Variants in SERPINB7 observed in about 807,000 individuals in gnomAD.
The protein encoded by SERPINB7 is serpin family B member 7, also known as serpin B7.
SERPINB7 carries 31 observed loss-of-function variants against 37.4 expected under a neutral mutation model. The ratio of observed to expected loss-of-function variants is 0.83; its 90% CI spans 0.62 to 1.12. The LOEUF (loss-of-function observed/expected upper bound fraction) is 1.12, where lower values mean the gene tolerates loss of function less well. SERPINB7 is among the 50% of genes most tolerant of loss of function. The probability of loss-of-function intolerance (pLI) is 0.00; values close to 1 mark genes in which losing one functional copy is unlikely to be tolerated. For synonymous variants in SERPINB7, 163 were observed against 166.1 expected, an observed-to-expected ratio of 0.98 and a Z score of 0.14; for missense variants, 521 against 455.3, an observed-to-expected ratio of 1.14 and a Z score of -1.31.
chr18:63,771,842 C>T (rs2049213010), upstream of SERPINB7, among the ~76,000 whole-genome samples: 1 of 151,268 alleles, frequency 6.6e-6, no homozygotes, highest in Admixed American at 6.6e-5. Flanking sequence ...CTTCTGACTT[C>T]TAAGGATAAG....
upstream of SERPINB7, among the ~76,000 whole-genome samples, chr18:63,774,089 T>C (rs2049227932): frequency 7.0e-6 from 1 of 143,276 alleles, no homozygotes; most frequent in African/African-American, 2.8e-5. Context: ...TGTAGGCTCA[T>C]TTTTTTTTTA....
chr18:63,794,021 G>T (rs151223785), intron 4 of SERPINB7, among the ~76,000 whole-genome samples: 2,208 of 151,478 alleles, frequency 0.015, 52 homozygotes, highest in African/African-American at 0.051. Flanking sequence ...TCGGCTCACT[G>T]CAACCTCTGC....
At chr18:63,764,012 T>A (rs1233328734) in intron 1 of SERPINB7, among the ~76,000 whole-genome samples, 1 of 152,196 alleles carries the variant, frequency 6.6e-6, no homozygotes, top group Non-Finnish European at 1.5e-5. Flanking sequence ...GTATAGTATT[T>A]CCCAAGTTAT....
intron 1 of SERPINB7, among the ~76,000 whole-genome samples, chr18:63,761,474 G>A (rs1013440328): frequency 6.6e-6 from 1 of 152,180 alleles, no homozygotes; most frequent in South Asian, 2.1e-4. Flanking sequence ...GACTTTGGGG[G>A]ACTGTTGGGA....
At position 63,785,939 on chromosome 18, in the gene SERPINB7, CATATATAATATACTTATATATACACAT is replaced by C. The variant is rs1568209209; in HGVS notation, c.168+3405_168+3431del. On this transcript the variant is annotated intron_variant, in intron 2 of 7. Transcript: ENST00000398019. ...CATATATAATATACGTATATATACA[CATATATAATATACTTATATATACACAT>C]ATATAATATACGTATATATACACAT... is the stretch of plus-strand genomic sequence containing the variant. 7.4e-4 allele frequency among the ~76,000 whole-genome samples: 87 copies of C among 117,294 alleles called. 6 individuals carry two copies. The highest frequency in any genetic ancestry group is 3.2e-3 in the African/African-American group (84 of 25,976). The allele number at this position is 117,294 out of a possible 152,430, so 76.9% of individuals were successfully genotyped here.
At chr18:63,791,152 C>T (rs756892248) in intron 2 of SERPINB7, among the ~76,000 whole-genome samples, 7 of 151,836 alleles carry the variant, frequency 4.6e-5, no homozygotes, top group Admixed American at 3.3e-4. Context: ...GTTGGGGAGG[C>T]TAGGGAAGGG....
intron 7 of SERPINB7, 151 bp from the exon 8 acceptor site, chr18:63,804,086 T>A: frequency 1.7e-6 from 1 of 586,644 alleles, no homozygotes; most frequent in Non-Finnish European, 2.9e-6. Flanking sequence ...TTTATTCATG[T>A]TCTGTTTCAA....
In SERPINB7 at chr18:63,767,485, G is replaced by T. The variant is rs2144591328; in HGVS notation, c.-19+14365G>T. On this transcript the variant is annotated intron_variant, in intron 1 of 7. Coordinates refer to the SERPINB7 transcript ENST00000336429. ...CTACACATTCTGTCCAGGTCTTATA[G>T]TTGAGTCTGTGGGAAATAAAAGAAA... is the stretch of plus-strand genomic sequence containing the variant. Among the ~76,000 whole-genome samples, 6 of 152,224 alleles carry T rather than the reference G, an allele frequency of 3.9e-5. No individual in the cohort carries two copies. The South Asian group carries it at 1.2e-3, about 32-fold the overall frequency.
chr18:63,778,019 T>C (rs2049267396), intron 1 of SERPINB7: 1 of 152,122 alleles, frequency 6.6e-6, no homozygotes, highest in Non-Finnish European at 1.5e-5. Flanking sequence ...AATGGTCCTC[T>C]TGTCTGCTTC....
upstream of SERPINB7, among the ~76,000 whole-genome samples, chr18:63,771,741 A>T (rs2049212474): frequency 6.6e-6 from 1 of 152,210 alleles, no homozygotes; most frequent in East Asian, 1.9e-4. Flanking sequence ...TCTGTTTCTC[A>T]TAGACCCTTA....
intron 1 of SERPINB7, among the ~76,000 whole-genome samples, chr18:63,767,854 A>G (rs1478161776): frequency 6.6e-6 from 1 of 152,028 alleles, no homozygotes; most frequent in Non-Finnish European, 1.5e-5. Flanking sequence ...TAGGTATAGA[A>G]CTATTCAGGT....
intron 2 of SERPINB7, 90 bp downstream of exon 2, chr18:63,782,630 T>A: frequency 7.8e-7 from 1 of 1,285,088 alleles, no homozygotes; most frequent in Non-Finnish European, 1.1e-6. Context: ...TTAATGGAGG[T>A]CATCATGAGG....
intron 2 of SERPINB7, among the ~76,000 whole-genome samples, chr18:63,783,217 AGAGAGAG>A (rs1568207717): frequency 5.4e-4 from 42 of 77,490 alleles, no homozygotes; most frequent in Middle Eastern, 6.1e-3. Context: ...AGAGAGAGAG[AGAGAGAG>A]AGAGAGAGAG....
At chr18:63,787,620 T>C (rs998125702) in intron 2 of SERPINB7, among the ~76,000 whole-genome samples, 1 of 152,154 alleles carries the variant, frequency 6.6e-6, no homozygotes, top group African/African-American at 2.4e-5. Context: ...CACATATTCC[T>C]AAATAATTCT....
At chr18:63,783,278 G>GA (rs764304918) in intron 2 of SERPINB7, among the ~76,000 whole-genome samples, 2 of 148,730 alleles carry the variant, frequency 1.3e-5, no homozygotes, top group Non-Finnish European at 3.0e-5. Context: ...AAGAAAGAAA[G>GA]AAAGAAAGAA....
rs1320495877 is a variant in SERPINB7, at chr18:63,804,268, T to C, written c.776T>C (p.Met259Thr). The C allele has an allele frequency of 6.3e-7, 1 of 1,576,456 alleles. No individual in the cohort carries two copies. Residue 259 changes from methionine (M) to threonine (T), a missense_variant, in exon 8 of 8, where the codon ATG becomes ACG. By Grantham distance (81) the Met-to-Thr change is moderately conservative. Transcript: ENST00000398019. ...IENKLTFQNL[M>T]EWTNPRRMTS... ...AACAAACTGACCTTTCAGAATCTAA[T>C]GGAATGGACCAATCCAAGGCGAATG... is the stretch of plus-strand genomic sequence containing the variant.
At position 63,753,156 on chromosome 18, in the gene SERPINB7, G is replaced by C. The variant is rs548968163; in HGVS notation, c.-19+36G>C. 2.0e-5 allele frequency: 3 copies of C among 152,346 alleles called. No individual in the cohort carries two copies. The South Asian group carries it at 6.2e-4, about 32-fold the overall frequency. The allele number at this position is 152,346 out of a possible 1,614,324, so 9.4% of individuals were successfully genotyped here. ...ATGCTGGGTTATTCTAGGCTTCTGA[G>C]TATGCTTAGATTCCCTAAGATGGAT... On this transcript the variant is annotated intron_variant, in intron 1 of 7. Transcript: ENST00000336429.
intron 5 of SERPINB7, among the ~76,000 whole-genome samples, chr18:63,797,859 C>A (rs111764145): frequency 1.0e-3 from 152 of 152,322 alleles, no homozygotes; most frequent in African/African-American, 3.4e-3. Context: ...TTATTCTCCC[C>A]GACAAATACA....
At chr18:63,790,548 A>C (rs2049416427) in intron 2 of SERPINB7, among the ~76,000 whole-genome samples, 1 of 152,244 alleles carries the variant, frequency 6.6e-6, no homozygotes, top group African/African-American at 2.4e-5. Context: ...CTCAATTTGT[A>C]TAGTGCCTCC....
Sources: gnomAD v4.1 joint callset for allele counts (sites outside exome capture counted in the v4.1 genomes callset) on GRCh38, gnomAD v4.1.1 for gene constraint, MANE v1.5 for transcripts, NCBI Gene and HGNC (gene_info 2026-07-23, HGNC 2026-07-21) for gene names.